Variants in TDRD12 observed in about 807,000 individuals in gnomAD.
TDRD12 encodes tudor domain containing 12, also known as putative ATP-dependent RNA helicase TDRD12.
A neutral mutation model predicts 133.5 loss-of-function variants in TDRD12; 158 were observed. That is an observed-to-expected ratio of 1.18 (90% CI 1.04 to 1.35). The LOEUF (loss-of-function observed/expected upper bound fraction) is 1.35, where lower values mean the gene tolerates loss of function less well. TDRD12 is among the 40% of genes most tolerant of loss of function. The pLI is 0.00. For missense variants in TDRD12, 1,443 were observed against 1,321.3 expected (o/e 1.09, Z -1.43); for synonymous variants, 460 against 477.9 (o/e 0.96, Z 0.49).
At chr19:32,748,939 T>A (rs556368325) in intron 5 of TDRD12, among the ~76,000 whole-genome samples, 2 of 152,236 alleles carry the variant, frequency 1.3e-5, no homozygotes, top group Non-Finnish European at 1.5e-5. Context: ...TACTTCTAAT[T>A]TAAGATGCAT....
chr19:32,809,497 G>A lies in TDRD12; in HGVS notation c.2653-596G>A, dbSNP rs368691786. Among the ~76,000 whole-genome samples, 7 of 152,204 alleles carry A rather than the reference G, an allele frequency of 4.6e-5. 1 individual carries two copies. The highest frequency in any genetic ancestry group is 1.7e-4 in the African/African-American group (7 of 41,524). ...ACTTCTCACTCCTGGCATCTGCTCT[G>A]GGCAGCCAGGGCTCCCTCCCTTCAC... On this transcript the variant is annotated intron_variant, in intron 22 of 27. Transcript: ENST00000444215.
intron 11 of TDRD12, among the ~76,000 whole-genome samples, chr19:32,783,076 C>T (rs572557956): frequency 1.2e-4 from 19 of 152,256 alleles, no homozygotes; most frequent in African/African-American, 3.6e-4. Context: ...TGGTTTTCTT[C>T]TAGGATTTTT....
intron 13 of TDRD12, among the ~76,000 whole-genome samples, chr19:32,793,793 C>CTTTTTT (rs766973591): frequency 8.6e-6 from 1 of 116,116 alleles, no homozygotes; most frequent in African/African-American, 3.4e-5. Flanking sequence ...AAGCAAGAAT[C>CTTTTTT]TTTTTTTTTT....
intron 1 of TDRD12, among the ~76,000 whole-genome samples, chr19:32,727,284 A>G (rs759421039): frequency 7.2e-5 from 11 of 152,202 alleles, no homozygotes; most frequent in Non-Finnish European, 1.3e-4. Context: ...AGAAATGTCT[A>G]TTCAAATCCT....
At chr19:32,813,473 C>G (rs796896807) in intron 24 of TDRD12, among the ~76,000 whole-genome samples, 2 of 152,176 alleles carry the variant, frequency 1.3e-5, no homozygotes, top group South Asian at 2.1e-4. Flanking sequence ...CTCACTAGTA[C>G]GAGGCCATGG....
chr19:32,778,418 A>G (rs1303546956), intron 11 of TDRD12, among the ~76,000 whole-genome samples: 1 of 151,766 alleles, frequency 6.6e-6, no homozygotes, highest in Non-Finnish European at 1.5e-5. Context: ...ACAGAAGGCC[A>G]TACAGCTTAT....
rs190423984 is a variant in TDRD12, at chr19:32,746,238, G to A, written c.441-2238G>A. On this transcript the variant is annotated intron_variant, in intron 4 of 27. Transcript: ENST00000444215. ...TGTGAGAGAGAGAGAGAGTCTGGCTGATGTGGTTATTCTGTGTGTGTGAGA... is the reference window on the plus strand; with the variant it reads ...TGTGAGAGAGAGAGAGAGTCTGGCTAATGTGGTTATTCTGTGTGTGTGAGA... Among the ~76,000 whole-genome samples the A allele has an allele frequency of 4.7e-5, 7 of 149,688 alleles. No homozygotes were observed. The East Asian group carries it at 6.0e-4, about 13-fold the overall frequency.
intron 23 of TDRD12, among the ~76,000 whole-genome samples, chr19:32,810,994 TTTACTC>T (rs1386925066): frequency 1.3e-5 from 2 of 152,238 alleles, no homozygotes; most frequent in East Asian, 3.8e-4. Flanking sequence ...GATAAAAGGA[TTTACTC>T]TTATTCAAAA....
At position 32,773,537 on chromosome 19, in the gene TDRD12, G is replaced by A. The variant is rs534913482; in HGVS notation, c.1040+5G>A. On this transcript the variant is annotated splice_donor_5th_base_variant and intron_variant, in intron 10 of 27. Coordinates refer to ENST00000444215, the Ensembl canonical transcript of TDRD12. ...TCCAGATGTACCAGAAGCAAGGTAT[G>A]ATTTGAAAATTCAAACTGGGTGTGG... The A allele has an allele frequency of 6.4e-7, 1 of 1,551,428 alleles. No homozygotes were observed. The highest frequency in any genetic ancestry group is 2.0e-5 in the Admixed American group (1 of 50,986).
intron 21 of TDRD12, among the ~76,000 whole-genome samples, chr19:32,804,147 A>T (rs953173775): frequency 1.7e-4 from 26 of 151,372 alleles, no homozygotes; most frequent in African/African-American, 5.6e-4. Context: ...ATCTCGGCTC[A>T]CTGCAAGCTC....
intron 10 of TDRD12, among the ~76,000 whole-genome samples, chr19:32,776,593 A>G (rs577228312): frequency 6.6e-6 from 1 of 152,340 alleles, no homozygotes; most frequent in African/African-American, 2.4e-5. Flanking sequence ...GAGAAAAAAG[A>G]CAAGAAAGTC....
At chr19:32,721,160 G>A (rs1305852543) in intron 1 of TDRD12, among the ~76,000 whole-genome samples, 1 of 152,116 alleles carries the variant, frequency 6.6e-6, no homozygotes, top group Non-Finnish European at 1.5e-5. Context: ...CTAGTCCTCG[G>A]GGAAGGGACG....
chr19:32,802,673 G>T (rs1173219924), exon 20 of TDRD12: 1 of 1,536,044 alleles, frequency 6.5e-7, no homozygotes, highest in African/African-American at 1.4e-5. Flanking sequence ...AGACGACTGC[G>T]TCCCACTCTT....
At chr19:32,740,038 A>C (rs1367272453) in intron 3 of TDRD12, among the ~76,000 whole-genome samples, 2 of 37,930 alleles carry the variant, frequency 5.3e-5, no homozygotes, top group Non-Finnish European at 9.5e-5. Flanking sequence ...TCTCCTGGGC[A>C]CTCTCTGCAT....
intron 2 of TDRD12, among the ~76,000 whole-genome samples, chr19:32,737,632 C>T (rs555678193): frequency 2.0e-5 from 3 of 151,994 alleles, no homozygotes; most frequent in South Asian, 2.1e-4. Flanking sequence ...TGGGTTCAAG[C>T]GATCCTCCCA....
chr19:32,782,790 C>G (rs1970806658), intron 11 of TDRD12, among the ~76,000 whole-genome samples: 1 of 152,162 alleles, frequency 6.6e-6, no homozygotes, highest in African/African-American at 2.4e-5. Context: ...TGTTCATGTC[C>G]TTTGCCCACT....
At chr19:32,772,923 C>T (rs1970479325) in intron 9 of TDRD12, 73 bp downstream of exon 9, 2 of 776,434 alleles carry the variant, frequency 2.6e-6, no homozygotes, top group Non-Finnish European at 3.7e-6. Context: ...CTTTTGAAAT[C>T]TATCTGAAAC....
intron 21 of TDRD12, among the ~76,000 whole-genome samples, chr19:32,804,230 G>T (rs544598232): frequency 6.6e-6 from 1 of 151,606 alleles, no homozygotes; most frequent in East Asian, 2.0e-4. Context: ...CTGCCACCAT[G>T]CCCAGCTAAT....
chr19:32,822,016 G>A (rs992924015), downstream of TDRD12, among the ~76,000 whole-genome samples: 4 of 152,200 alleles, frequency 2.6e-5, no homozygotes, highest in African/African-American at 9.7e-5. Flanking sequence ...AGCTACTCAA[G>A]AGGCTAAGGT....
Sources: gnomAD v4.1 joint callset for allele counts (sites outside exome capture counted in the v4.1 genomes callset) on GRCh38, gnomAD v4.1.1 for gene constraint, MANE v1.5 for transcripts, NCBI Gene and HGNC (gene_info 2026-07-23, HGNC 2026-07-21) for gene names.